GRM1: variants seen among roughly 807,000 people sequenced by gnomAD.
The protein encoded by GRM1 is glutamate metabotropic receptor 1.
Under a neutral mutation model 90.9 loss-of-function variants are expected in GRM1, and 33 were observed. The ratio of observed to expected loss-of-function variants is 0.36; its 90% CI spans 0.28 to 0.49. The LOEUF (loss-of-function observed/expected upper bound fraction) is 0.49. GRM1 is among the 20% of genes least tolerant of loss of function. GRM1 has a pLI of 0.99. For synonymous variants in GRM1, 700 were observed against 613.2 expected, an observed-to-expected ratio of 1.14 and a Z score of -2.09; for missense variants, 1,190 against 1,534.3, an observed-to-expected ratio of 0.78 and a Z score of 3.75.
intron 7 of GRM1, among the ~76,000 whole-genome samples, chr6:146,420,032 T>G (rs1475186166): frequency 6.6e-6 from 1 of 152,160 alleles, no homozygotes; most frequent in Non-Finnish European, 1.5e-5. Flanking sequence ...CAGAGAGGCT[T>G]CACCACAGGT....
chr6:146,051,142 C>T (rs1306855723), intron 1 of GRM1, among the ~76,000 whole-genome samples: 4 of 151,988 alleles, frequency 2.6e-5, no homozygotes, highest in Non-Finnish European at 4.4e-5. Context: ...ATCTTAGAGC[C>T]GTGTGACTTT....
At chr6:146,338,737 G>A (rs1157059090) in intron 3 of GRM1, among the ~76,000 whole-genome samples, 1 of 152,138 alleles carries the variant, frequency 6.6e-6, no homozygotes, top group Non-Finnish European at 1.5e-5. Flanking sequence ...TGTTATGGGG[G>A]TACAAGTTAT....
At chr6:146,065,796 G>A (rs9390377) in intron 1 of GRM1, among the ~76,000 whole-genome samples, 56,011 of 152,020 alleles carry the variant, frequency 0.37, 11,028 homozygotes, top group Middle Eastern at 0.51. Flanking sequence ...ATGGGGAAAT[G>A]TTGAAGGAAT....
At chr6:146,343,658 TTTATTATTA>T (rs58070198) in intron 3 of GRM1, among the ~76,000 whole-genome samples, 4 of 148,396 alleles carry the variant, frequency 2.7e-5, no homozygotes, top group African/African-American at 7.6e-5. Flanking sequence ...GTTGTTTTTA[TTTATTATTA>T]TTATTATTAT....
At chr6:146,379,244 G>C (rs1306404359) in intron 5 of GRM1, among the ~76,000 whole-genome samples, 2 of 151,590 alleles carry the variant, frequency 1.3e-5, no homozygotes, top group Non-Finnish European at 2.9e-5. Flanking sequence ...ACTAGTTTCT[G>C]TAGGTGCGCT....
intron 5 of GRM1, among the ~76,000 whole-genome samples, chr6:146,379,930 G>GTCTCTC (rs56732675): frequency 4.7e-5 from 7 of 147,856 alleles, no homozygotes; most frequent in Admixed American, 2.0e-4. Context: ...TACAGAGTCT[G>GTCTCTC]TCTCTCTCTC....
At position 146,302,917 on chromosome 6, in the gene GRM1, G is replaced by A. The variant is rs143068491; in HGVS notation, c.951-1694G>A. 2.1e-3 allele frequency among the ~76,000 whole-genome samples: 312 copies of A among 152,074 alleles called. 3 individuals carry two copies. The highest frequency in any genetic ancestry group is 0.01 in the Middle Eastern group (3 of 294). On this transcript the variant is annotated intron_variant, in intron 2 of 7. Transcript: ENST00000282753. ...GGGAGGAAGGGAGGGAGGGAGGAAG[G>A]AAGGAAGGAAGGAAGGAAGGATCTA...
intron 1 of GRM1, among the ~76,000 whole-genome samples, chr6:146,070,607 A>G (rs2128858361): frequency 6.6e-6 from 1 of 152,256 alleles, no homozygotes; most frequent in African/African-American, 2.4e-5. Flanking sequence ...AAATTTTCCT[A>G]CTATACCAGG....
intron 1 of GRM1, among the ~76,000 whole-genome samples, chr6:146,122,016 A>G (rs1035379251): frequency 3.3e-5 from 5 of 152,164 alleles, no homozygotes. Flanking sequence ...TGATCCGTCT[A>G]ATATTGACAG....
chr6:146,097,222 C>T (rs1453376872), intron 1 of GRM1, among the ~76,000 whole-genome samples: 1 of 152,014 alleles, frequency 6.6e-6, no homozygotes, highest in African/African-American at 2.4e-5. Context: ...TTACTCTTTT[C>T]CTTATCTTTC....
At chr6:146,049,428 G>A (rs185292372) in intron 1 of GRM1, among the ~76,000 whole-genome samples, 105 of 152,046 alleles carry the variant, frequency 6.9e-4, no homozygotes, top group Non-Finnish European at 1.1e-3. Flanking sequence ...CAGGATTTAC[G>A]ACTTTGAACT....
intron 1 of GRM1, among the ~76,000 whole-genome samples, chr6:146,061,391 A>G (rs1456642936): frequency 6.6e-6 from 1 of 152,068 alleles, no homozygotes; most frequent in Non-Finnish European, 1.5e-5. Flanking sequence ...TTGCACATTG[A>G]TTTATTGTGC....
chr6:146,333,225 T>C (rs1784646039), intron 3 of GRM1, among the ~76,000 whole-genome samples: 8 of 152,156 alleles, frequency 5.3e-5, no homozygotes. Flanking sequence ...TCAGGCTGGC[T>C]GATAAGAGAC....
At chr6:146,433,662 C>A (rs1162642351) in intron 7 of GRM1, among the ~76,000 whole-genome samples, 1 of 152,002 alleles carries the variant, frequency 6.6e-6, no homozygotes, top group Non-Finnish European at 1.5e-5. Flanking sequence ...AACAGACTGG[C>A]TTTTCTCCTC....
chr6:146,184,799 T>C (rs1472465632), intron 2 of GRM1, among the ~76,000 whole-genome samples: 1 of 152,200 alleles, frequency 6.6e-6, no homozygotes, highest in Non-Finnish European at 1.5e-5. Context: ...GAAGCCTTCA[T>C]GATCAACAAG....
chr6:146,300,517 AG>A (rs1243948005), intron 2 of GRM1, among the ~76,000 whole-genome samples: 1 of 152,216 alleles, frequency 6.6e-6, no homozygotes, highest in African/African-American at 2.4e-5. Flanking sequence ...AAAAATATTG[AG>A]GGGGAATAGG....
chr6:146,228,808 CTTTTT>C (rs929602538), intron 2 of GRM1, among the ~76,000 whole-genome samples: 1 of 152,130 alleles, frequency 6.6e-6, no homozygotes, highest in African/African-American at 2.4e-5. Flanking sequence ...CCAATTTTAT[CTTTTT>C]ATCAATTACA....
At chr6:146,134,598 T>C (rs1409640903) in intron 1 of GRM1, among the ~76,000 whole-genome samples, 1 of 152,088 alleles carries the variant, frequency 6.6e-6, no homozygotes, top group Non-Finnish European at 1.5e-5. Flanking sequence ...AAGCCCCTTA[T>C]AAAACCGTCA....
chr6:146,226,659 G>T (rs1303317212), intron 2 of GRM1, among the ~76,000 whole-genome samples: 1 of 152,102 alleles, frequency 6.6e-6, no homozygotes, highest in Non-Finnish European at 1.5e-5. Flanking sequence ...TTCTGTATTT[G>T]TGTTCTGATC....
Sources: allele counts gnomAD v4.1 joint callset (sites outside exome capture counted in the v4.1 genomes callset), GRCh38; gene constraint gnomAD v4.1.1; transcripts MANE v1.5; gene names NCBI Gene and HGNC (gene_info 2026-07-23, HGNC 2026-07-21).